Variants in MAP3K5 observed in about 807,000 individuals in gnomAD.
MAP3K5 encodes ASK-1.
In MAP3K5, 56 loss-of-function variants were observed where a neutral mutation model predicts 158.7. The observed-to-expected ratio is 0.35, with a 90% CI of 0.28 to 0.44. The LOEUF (loss-of-function observed/expected upper bound fraction) is 0.44, where lower values mean the gene tolerates loss of function less well. Ranked by LOEUF, MAP3K5 falls within the 20% of genes least tolerant of loss-of-function variation. The pLI, the probability that MAP3K5 is intolerant of heterozygous loss-of-function variation, is 1.00. For missense variants in MAP3K5, 1,294 were observed against 1,674.8 expected, an observed-to-expected ratio of 0.77 and a Z score of 3.97; for synonymous variants, 579 against 601.7, an observed-to-expected ratio of 0.96 and a Z score of 0.55.
intron 10 of MAP3K5, 41 bp from the exon 11 acceptor site, chr6:136,651,132 A>T (rs1778503269): frequency 9.3e-7 from 1 of 1,069,532 alleles, no homozygotes; most frequent in Non-Finnish European, 1.4e-6. Context: ...CAGTGACTTA[A>T]GACTGAAACC....
chr6:136,569,257 T>G (rs1198923615), intron 25 of MAP3K5, among the ~76,000 whole-genome samples: 1 of 152,202 alleles, frequency 6.6e-6, no homozygotes, highest in Non-Finnish European at 1.5e-5. Flanking sequence ...TCATCACTTG[T>G]GGGGGAAATC....
chr6:136,567,789 C>G lies in MAP3K5; in HGVS notation c.3603G>C (p.Gln1201His), dbSNP rs770547754. 6.2e-7 allele frequency: 1 copy of G among 1,614,160 alleles called. No homozygotes were observed. Among genetic ancestry groups the G allele is most frequent in the Non-Finnish European group, 8.5e-7 (1 of 1,180,022 alleles). The part of the protein sequence containing the change: ...DLDVEDDHEE[Q>H]PSNQTVRRPQ... ...GTCTTCGGACAGTTTGATTTGAAGGCTGTTCCTCATGGTCATCTTCTACAT... is the reference window on the plus strand; with the variant it reads ...GTCTTCGGACAGTTTGATTTGAAGGGTGTTCCTCATGGTCATCTTCTACAT... The change falls in exon 26 of 30, where the codon CAG (glutamine) becomes CAC (histidine). Residue 1201 changes from glutamine to histidine, a missense_variant. Gln to His is a conservative substitution (Grantham distance 24). Transcript: ENST00000359015.
chr6:136,758,903 C>T (rs1292052102), intron 1 of MAP3K5, among the ~76,000 whole-genome samples: 11 of 152,166 alleles, frequency 7.2e-5, no homozygotes, highest in African/African-American at 2.4e-4. Context: ...CCAGGCATGG[C>T]GGCTCACGCC....
At chr6:136,580,261 C>T in intron 25 of MAP3K5, 40 bp downstream of exon 25, 1 of 1,296,290 alleles carries the variant, frequency 7.7e-7, no homozygotes, top group Non-Finnish European at 1.1e-6. Flanking sequence ...CTAAAATATC[C>T]AAGCACTAAA....
In MAP3K5 at chr6:136,694,313, A is replaced by G; in HGVS notation, c.1083-3T>C. On this transcript the variant is annotated splice_region_variant and splice_polypyrimidine_tract_variant and intron_variant, in intron 6 of 29. Transcript: ENST00000359015. ...CTCTGTCACCAGGGAGATTTCTCCTAAGGCAGAAAACATTGTTGTTTCAAT... is the reference window on the plus strand; with the variant it reads ...CTCTGTCACCAGGGAGATTTCTCCTGAGGCAGAAAACATTGTTGTTTCAAT... 1.9e-6 allele frequency: 3 copies of G among 1,606,622 alleles called. No homozygotes were observed. Among genetic ancestry groups the G allele is most frequent in the Non-Finnish European group, 2.5e-6 (3 of 1,178,756 alleles).
At chr6:136,597,898 T>G (rs745543505) in intron 21 of MAP3K5, among the ~76,000 whole-genome samples, 26 of 152,246 alleles carry the variant, frequency 1.7e-4, no homozygotes, top group Admixed American at 1.6e-3. Flanking sequence ...AAAAATTCAG[T>G]GCCTCAGCCA....
chr6:136,595,460 G>A (rs762549798), intron 21 of MAP3K5, among the ~76,000 whole-genome samples: 1 of 152,102 alleles, frequency 6.6e-6, no homozygotes, highest in Non-Finnish European at 1.5e-5. Flanking sequence ...TTCTCTATTA[G>A]GCACATGCAT....
chr6:136,588,110 G>A (rs868600638), intron 23 of MAP3K5, among the ~76,000 whole-genome samples: 2 of 152,140 alleles, frequency 1.3e-5, no homozygotes, highest in South Asian at 4.1e-4. Flanking sequence ...GCATTTTAAA[G>A]GTCCACAGGA....
chr6:136,730,449 C>T (rs999787015), intron 1 of MAP3K5, among the ~76,000 whole-genome samples: 9 of 151,932 alleles, frequency 5.9e-5, no homozygotes, highest in South Asian at 2.1e-4. Context: ...AGGCTGGGCA[C>T]GGTGACTCAC....
chr6:136,559,346 C>T (rs192120996), intron 28 of MAP3K5, among the ~76,000 whole-genome samples: 21 of 136,980 alleles, frequency 1.5e-4, no homozygotes, highest in Non-Finnish European at 2.5e-4. Flanking sequence ...AGTGAGACTC[C>T]GTCTCAAAAA....
chr6:136,692,797 A>C (rs980796713), intron 7 of MAP3K5, among the ~76,000 whole-genome samples: 3 of 152,112 alleles, frequency 2.0e-5, no homozygotes, highest in Non-Finnish European at 4.4e-5. Context: ...TCTACCAAAA[A>C]TACAAACAAT....
At chr6:136,748,695 G>T (rs190216441) in intron 1 of MAP3K5, among the ~76,000 whole-genome samples, 186 of 152,254 alleles carry the variant, frequency 1.2e-3, no homozygotes, top group Non-Finnish European at 1.9e-3. Flanking sequence ...TAGAAATAAA[G>T]AATTAAAACT....
At chr6:136,757,184 A>G (rs1783529404) in intron 1 of MAP3K5, among the ~76,000 whole-genome samples, 1 of 152,228 alleles carries the variant, frequency 6.6e-6, no homozygotes, top group South Asian at 2.1e-4. Context: ...GGCAAGAGCC[A>G]CGTGCAATAA....
At chr6:136,789,857 T>C (rs1784998405) in intron 1 of MAP3K5, among the ~76,000 whole-genome samples, 1 of 151,788 alleles carries the variant, frequency 6.6e-6, no homozygotes, top group South Asian at 2.1e-4. Context: ...CCTGGCTAAT[T>C]TTTGTCATTT....
rs1167943030 is a variant in MAP3K5, at chr6:136,669,527, G to T, written c.1254-132C>A. ...GCACTGGCCTTCACCCCAGAATCTG[G>T]TGTGCTATTAGGACTTAACGCTTCA... On this transcript the variant is annotated intron_variant, in intron 7 of 29. Coordinates refer to ENST00000359015, the MANE Select transcript of MAP3K5 (RefSeq NM_005923.4). 6.5e-6 allele frequency: 4 copies of T among 617,554 alleles called. No homozygotes were observed. In the East Asian group the frequency reaches 8.4e-5, roughly 13 times the overall value. 38.3% of individuals were successfully genotyped at this position (617,554 alleles called of 1,614,324 possible).
chr6:136,577,061 C>T (rs766631374), intron 25 of MAP3K5, among the ~76,000 whole-genome samples: 8 of 152,014 alleles, frequency 5.3e-5, no homozygotes, highest in Non-Finnish European at 8.8e-5. Context: ...GAACATAGCC[C>T]TGTCATTAAG....
intron 25 of MAP3K5, 56 bp downstream of exon 25, chr6:136,580,245 A>G (rs1774809102): frequency 3.5e-6 from 4 of 1,133,198 alleles, no homozygotes; most frequent in Non-Finnish European, 5.4e-6. Context: ...ACAGATGAAC[A>G]GTAATCTAAA....
At chr6:136,776,002 C>T (rs977678762) in intron 1 of MAP3K5, among the ~76,000 whole-genome samples, 1 of 152,168 alleles carries the variant, frequency 6.6e-6, no homozygotes, top group Admixed American at 6.5e-5. Context: ...ATGATAAAAA[C>T]CTATTTCGTT....
At chr6:136,591,626 G>A (rs1215119106) in intron 23 of MAP3K5, among the ~76,000 whole-genome samples, 1 of 152,218 alleles carries the variant, frequency 6.6e-6, no homozygotes, top group African/African-American at 2.4e-5. Flanking sequence ...TTGGTTATAT[G>A]TAATTTTGCT....
Sources: allele counts gnomAD v4.1 joint callset (sites outside exome capture counted in the v4.1 genomes callset), GRCh38; gene constraint gnomAD v4.1.1; transcripts MANE v1.5; gene names NCBI Gene and HGNC (gene_info 2026-07-23, HGNC 2026-07-21).